OSBPL8: variants seen among roughly 807,000 people sequenced by gnomAD.
OSBPL8 encodes oxysterol binding protein like 8.
A neutral mutation model predicts 125.5 loss-of-function variants in OSBPL8; 59 were observed. The observed-to-expected ratio is 0.47, with a 90% confidence interval of 0.38 to 0.58. The LOEUF (loss-of-function observed/expected upper bound fraction) is 0.58, where lower values mean the gene tolerates loss of function less well. Among genes scored for constraint, OSBPL8 ranks in the 20% least tolerant of loss-of-function variants. OSBPL8 has a pLI of 0.00. For missense variants in OSBPL8, 758 were observed against 1,047.8 expected, an observed-to-expected ratio of 0.72 and a Z score of 3.82; for synonymous variants, 330 against 338.9, an observed-to-expected ratio of 0.97 and a Z score of 0.29.
At chr12:76,374,926 A>AT (rs560227533) in intron 17 of OSBPL8, among the ~76,000 whole-genome samples, 26 of 152,154 alleles carry the variant, frequency 1.7e-4, no homozygotes, top group Non-Finnish European at 3.5e-4. Context: ...AAGATGACAC[A>AT]TATCTTCTGG....
intron 2 of OSBPL8, among the ~76,000 whole-genome samples, chr12:76,461,785 C>G (rs751383864): frequency 3.9e-4 from 59 of 152,146 alleles, no homozygotes; most frequent in Non-Finnish European, 7.8e-4. Context: ...CCCCACTATC[C>G]TGACTGCAAC....
chr12:76,421,419 G>A (rs759369140), intron 4 of OSBPL8, among the ~76,000 whole-genome samples: 30 of 152,000 alleles, frequency 2.0e-4, no homozygotes, highest in African/African-American at 6.8e-4. Context: ...CAGGACTATG[G>A]TTTCCAATTC....
intron 2 of OSBPL8, among the ~76,000 whole-genome samples, chr12:76,483,341 T>C (rs1260708948): frequency 2.0e-5 from 3 of 151,166 alleles, no homozygotes; most frequent in Non-Finnish European, 2.9e-5. Context: ...GGCAGATGGA[T>C]AGCCTGAGGT....
At chr12:76,498,083 A>G (rs754472810) in intron 1 of OSBPL8, among the ~76,000 whole-genome samples, 1 of 152,212 alleles carries the variant, frequency 6.6e-6, no homozygotes, top group Non-Finnish European at 1.5e-5. Flanking sequence ...TGGCATATAG[A>G]TATTTCTCAG....
At chr12:76,430,964 AAC>A in intron 4 of OSBPL8, among the ~76,000 whole-genome samples, 1 of 152,320 alleles carries the variant, frequency 6.6e-6, no homozygotes, top group African/African-American at 2.4e-5. Flanking sequence ...CATAAAGACA[AAC>A]ACAGAACATT....
intron 10 of OSBPL8, among the ~76,000 whole-genome samples, chr12:76,391,806 C>A (rs1446335543): frequency 6.6e-6 from 1 of 151,142 alleles, no homozygotes; most frequent in East Asian, 1.9e-4. Context: ...AAAAAAGAAA[C>A]AAGCAAAATG....
rs118133705 is a variant in OSBPL8 at position 76,383,539 on chromosome 12, C to A, written c.1630+715G>T. On this transcript the variant is annotated intron_variant, in intron 15 of 23. Transcript: ENST00000261183. ...GCAGACTGAACTATGGCTCACCACA[C>A]GCTCAGGTAACCAGACCTTGGATTT... Among the ~76,000 whole-genome samples, 1,129 of 152,196 alleles carry A rather than the reference C, an allele frequency of 7.4e-3. 21 individuals carry two copies. The highest frequency in any genetic ancestry group is 6.2e-3 in the Non-Finnish European group (419 of 68,006).
At chr12:76,397,544 G>C (rs1279222282) in intron 8 of OSBPL8, 150 bp downstream of exon 8, 1 of 770,160 alleles carries the variant, frequency 1.3e-6, no homozygotes, top group Non-Finnish European at 2.1e-6. Context: ...TTTTGTTGTG[G>C]GTAGAGGCAG....
chr12:76,397,961 T>C (rs546053574), intron 7 of OSBPL8, 64 bp from the exon 8 acceptor site: 8 of 1,364,260 alleles, frequency 5.9e-6, no homozygotes, highest in Admixed American at 2.0e-5. Flanking sequence ...ACGAAAATAC[T>C]GCAAATAAGA....
chr12:76,498,172 A>T (rs1305954318), intron 1 of OSBPL8, among the ~76,000 whole-genome samples: 1 of 152,234 alleles, frequency 6.6e-6, no homozygotes, highest in Admixed American at 6.5e-5. Context: ...TGGGAGGCCC[A>T]GGCGGGCGGA....
Position 76,364,028 on chromosome 12 carries a change from T to C in OSBPL8, c.2328+5186A>G, listed in dbSNP as rs544572550. On this transcript the variant is annotated intron_variant, in intron 21 of 23. Coordinates refer to ENST00000261183, the MANE Select transcript of OSBPL8 (RefSeq NM_020841.5). ...AGATGCTGGAGAGGATGTGGAGAAA[T>C]AGGAACACTTTTACACTGTTGGTGG... 1.4e-4 allele frequency among the ~76,000 whole-genome samples: 21 copies of C among 152,248 alleles called. No individual in the cohort carries two copies. The Middle Eastern group carries it at 0.017, about 123-fold the overall frequency.
chr12:76,387,956 C>G (rs976728312), intron 12 of OSBPL8, among the ~76,000 whole-genome samples: 18 of 152,164 alleles, frequency 1.2e-4, no homozygotes, highest in Non-Finnish European at 2.4e-4. Flanking sequence ...TTTAAAAAAG[C>G]TTCCTTTTAA....
At chr12:76,554,487 C>G (rs982223108) in intron 1 of OSBPL8, among the ~76,000 whole-genome samples, 1 of 152,218 alleles carries the variant, frequency 6.6e-6, no homozygotes. Flanking sequence ...CTTAACTTCT[C>G]TGTGCCTCAG....
intron 1 of OSBPL8, among the ~76,000 whole-genome samples, chr12:76,550,524 C>A (rs546190600): frequency 1.1e-4 from 16 of 152,144 alleles, no homozygotes; most frequent in Non-Finnish European, 2.1e-4. Context: ...CTGGACCACA[C>A]TGGAAGAGAA....
intron 21 of OSBPL8, among the ~76,000 whole-genome samples, chr12:76,361,987 CAAG>C (rs1249093135): frequency 6.6e-6 from 1 of 152,152 alleles, no homozygotes; most frequent in African/African-American, 2.4e-5. Context: ...AGCATTGTAA[CAAG>C]AAGTATTCTC....
intron 1 of OSBPL8, among the ~76,000 whole-genome samples, chr12:76,532,030 CCTT>C (rs1251871498): frequency 8.7e-6 from 1 of 114,816 alleles, no homozygotes; most frequent in Non-Finnish European, 1.8e-5. Flanking sequence ...GAGCAAGACT[CCTT>C]CTCAAAAAAA....
At chr12:76,357,805 A>G (rs1406030323) in intron 22 of OSBPL8, among the ~76,000 whole-genome samples, 1 of 152,116 alleles carries the variant, frequency 6.6e-6, no homozygotes. Context: ...TTTATAGGTT[A>G]AAATGAGCTC....
intron 1 of OSBPL8, among the ~76,000 whole-genome samples, chr12:76,547,027 G>A (rs976665472): frequency 6.6e-6 from 1 of 152,176 alleles, no homozygotes; most frequent in Admixed American, 6.5e-5. Context: ...CAACCCCTCT[G>A]ACAGGATTTT....
At chr12:76,374,775 C>T (rs1952747801) in intron 17 of OSBPL8, among the ~76,000 whole-genome samples, 1 of 152,122 alleles carries the variant, frequency 6.6e-6, no homozygotes, top group African/African-American at 2.4e-5. Flanking sequence ...AAGCTATCCC[C>T]AGTATACCCT....
Sources: allele counts gnomAD v4.1 joint callset (sites outside exome capture counted in the v4.1 genomes callset), GRCh38; gene constraint gnomAD v4.1.1; transcripts MANE v1.5; gene names NCBI Gene and HGNC (gene_info 2026-07-23, HGNC 2026-07-21).